The following PDE4D variants were observed in gnomAD, a reference collection of about 807,000 sequenced individuals.
PDE4D encodes the protein 3',5'-cyclic-AMP phosphodiesterase 4D.
Under a neutral mutation model 87.4 loss-of-function variants are expected in PDE4D, and 24 were observed. The ratio of observed to expected loss-of-function variants is 0.27; its 90% confidence interval spans 0.20 to 0.39. The LOEUF (loss-of-function observed/expected upper bound fraction) is 0.39, where lower values mean the gene tolerates loss of function less well. Ranked by LOEUF, PDE4D falls within the 10% of genes least tolerant of loss-of-function variation. The probability of loss-of-function intolerance (pLI) is 1.00; values close to 1 mark genes in which losing one functional copy is unlikely to be tolerated. For synonymous variants in PDE4D, 384 were observed against 383.2 expected, an observed-to-expected ratio of 1.00 and a Z score of -0.02; for missense variants, 714 against 1,041.0, an observed-to-expected ratio of 0.69 and a Z score of 4.32.
intron 1 of PDE4D, among the ~76,000 whole-genome samples, chr5:59,326,464 T>A (rs1409743590): frequency 6.6e-6 from 1 of 152,098 alleles, no homozygotes. Context: ...AACTATTAAA[T>A]ACTTAAAATA....
At chr5:59,737,760 G>A (rs1183085371) in intron 1 of PDE4D, among the ~76,000 whole-genome samples, 1 of 151,862 alleles carries the variant, frequency 6.6e-6, no homozygotes, top group Non-Finnish European at 1.5e-5. Flanking sequence ...TCATTAGCTG[G>A]ATTTTTACCA....
intron 1 of PDE4D, among the ~76,000 whole-genome samples, chr5:60,493,592 T>TCATC (rs1211669813): frequency 3.3e-5 from 2 of 61,088 alleles, no homozygotes; most frequent in Non-Finnish European, 7.1e-5. Flanking sequence ...AATCATTCAT[T>TCATC]CATTCATTCA....
chr5:59,622,284 G>A (rs1273702514), intron 1 of PDE4D, among the ~76,000 whole-genome samples: 1 of 152,092 alleles, frequency 6.6e-6, no homozygotes, highest in Non-Finnish European at 1.5e-5. Context: ...AGGGGGAAAA[G>A]TATTATTGCA....
chr5:59,248,658 C>T (rs1339200849), intron 1 of PDE4D, among the ~76,000 whole-genome samples: 1 of 150,928 alleles, frequency 6.6e-6, no homozygotes, highest in East Asian at 1.9e-4. Flanking sequence ...ATGGGTTGCA[C>T]CAGAGTTCTT....
chr5:59,309,399 G>T (rs563248542), intron 1 of PDE4D, among the ~76,000 whole-genome samples: 2 of 152,168 alleles, frequency 1.3e-5, no homozygotes, highest in Non-Finnish European at 2.9e-5. Flanking sequence ...GGCATGGATG[G>T]CCTGCTAGGG....
intron 1 of PDE4D, among the ~76,000 whole-genome samples, chr5:59,770,433 C>A (rs77039548): frequency 7.3e-5 from 11 of 151,568 alleles, no homozygotes; most frequent in Non-Finnish European, 1.6e-4. Context: ...AAATGAAATG[C>A]GTATATGATG....
At chr5:59,387,139 T>C (rs370891) in intron 1 of PDE4D, among the ~76,000 whole-genome samples, 37,688 of 152,150 alleles carry the variant, frequency 0.25, 5,004 homozygotes, top group East Asian at 0.39. Flanking sequence ...CATAATGTTC[T>C]CTGTGGAGCA....
intron 1 of PDE4D, among the ~76,000 whole-genome samples, chr5:59,842,961 T>C (rs1743242194): frequency 6.6e-6 from 1 of 152,012 alleles, no homozygotes; most frequent in African/African-American, 2.4e-5. Context: ...TAACATAATT[T>C]CAATTTCTAG....
At chr5:60,453,740 T>A (rs61379877) in intron 1 of PDE4D, among the ~76,000 whole-genome samples, 23,107 of 152,054 alleles carry the variant, frequency 0.15, 2,557 homozygotes, top group African/African-American at 0.3. Context: ...CTTCTCCCGC[T>A]TTCTAACTTT....
chr5:59,776,296 A>T (rs7709292), intron 1 of PDE4D, among the ~76,000 whole-genome samples: 9,710 of 152,228 alleles, frequency 0.064, 922 homozygotes, highest in African/African-American at 0.21. Flanking sequence ...CATATAACTT[A>T]ACTAAGGTTT....
At chr5:59,908,683 C>T (rs1404698716) in intron 3 of PDE4D, among the ~76,000 whole-genome samples, 2 of 152,166 alleles carry the variant, frequency 1.3e-5, no homozygotes, top group South Asian at 2.1e-4. Context: ...GGTTCATAGT[C>T]TGATGGAACT....
chr5:59,097,284 A>T (rs1769906061), intron 5 of PDE4D, among the ~76,000 whole-genome samples: 2 of 152,232 alleles, frequency 1.3e-5, no homozygotes, highest in South Asian at 4.1e-4. Context: ...CTGGTAATAC[A>T]TCATGTCAGT....
chr5:59,320,855 A>G (rs1774591053), intron 1 of PDE4D, among the ~76,000 whole-genome samples: 1 of 151,898 alleles, frequency 6.6e-6, no homozygotes, highest in Non-Finnish European at 1.5e-5. Flanking sequence ...TCACCAACGA[A>G]CCCACCAACC....
At chr5:59,117,084 A>G (rs929698865) in intron 5 of PDE4D, among the ~76,000 whole-genome samples, 1 of 152,122 alleles carries the variant, frequency 6.6e-6, no homozygotes, top group Admixed American at 6.6e-5. Context: ...TAATTTCTCT[A>G]CGTTTAGCCA....
Position 58,969,280 on chromosome 5 carries a change from A to G in PDE4D, c.*5384T>C, listed in dbSNP as rs1742197583. The G allele has an allele frequency of 6.6e-6, 1 of 152,202 alleles. No homozygotes were observed. The highest frequency in any genetic ancestry group is 2.4e-5 in the African/African-American group (1 of 41,464). The allele number at this position is 152,202 out of a possible 1,614,324, so 9.4% of individuals were successfully genotyped here. On this transcript the variant is annotated 3_prime_UTR_variant, in exon 15 of 15. Coordinates refer to ENST00000340635, the MANE Select transcript of PDE4D (RefSeq NM_001104631.2). ...TATATAAATCTGTGAGAAGTGTTAT[A>G]AAGAAAATTGAGCAGGGTTATGAGA... is the stretch of plus-strand genomic sequence containing the variant.
intron 2 of PDE4D, among the ~76,000 whole-genome samples, chr5:59,200,104 T>C (rs28427182): frequency 6.9e-6 from 1 of 143,996 alleles, no homozygotes; most frequent in African/African-American, 2.8e-5. Context: ...GACATACATG[T>C]ATGCACACAC....
At position 59,392,269 on chromosome 5, in the gene PDE4D, T is replaced by A. The variant is rs564650527; in HGVS notation, c.456-176301A>T. ...CAATCTAATTAGCTGCCAGCGCTGC[T>A]AGAATATAAGCAGGCAGAAACATGT... On this transcript the variant is annotated intron_variant, in intron 1 of 14. Transcript: ENST00000340635. Among the ~76,000 whole-genome samples, 4 of 151,892 alleles carry A rather than the reference T, an allele frequency of 2.6e-5. No individual in the cohort carries two copies. In the South Asian group the frequency reaches 8.3e-4, roughly 31 times the overall value.
intron 2 of PDE4D, among the ~76,000 whole-genome samples, chr5:59,212,615 G>A (rs1454112811): frequency 6.6e-6 from 1 of 151,896 alleles, no homozygotes; most frequent in African/African-American, 2.4e-5. Context: ...TAAAATATAT[G>A]TATATATTTA....
intron 1 of PDE4D, among the ~76,000 whole-genome samples, chr5:59,509,664 A>T (rs975647612): frequency 2.9e-4 from 44 of 151,184 alleles, no homozygotes; most frequent in African/African-American, 1.0e-3. Context: ...TTAAAATAAT[A>T]GAATTAGAGT....
Sources: gnomAD v4.1 joint callset for allele counts (sites outside exome capture counted in the v4.1 genomes callset) on GRCh38, gnomAD v4.1.1 for gene constraint, MANE v1.5 for transcripts, NCBI Gene and HGNC (gene_info 2026-07-23, HGNC 2026-07-21) for gene names.